ZNF385D: variants seen among roughly 807,000 people sequenced by gnomAD.
The protein encoded by ZNF385D is zinc finger protein 385D.
A neutral mutation model predicts 35.8 loss-of-function variants in ZNF385D; 15 were observed. The ratio of observed to expected loss-of-function variants is 0.42; its 90% CI spans 0.28 to 0.64. The LOEUF (loss-of-function observed/expected upper bound fraction) is 0.64. Ranked by LOEUF, ZNF385D falls within the 30% of genes least tolerant of loss-of-function variation. The probability of loss-of-function intolerance (pLI) is 0.23; values close to 1 mark genes in which losing one functional copy is unlikely to be tolerated. For synonymous variants in ZNF385D, 212 were observed against 186.8 expected (o/e 1.13, Z -1.10); for missense variants, 474 against 494.6 (o/e 0.96, Z 0.39).
intron 1 of ZNF385D, among the ~76,000 whole-genome samples, chr3:21,724,424 AC>A (rs1326115979): frequency 6.8e-6 from 1 of 147,874 alleles, no homozygotes; most frequent in Non-Finnish European, 1.5e-5. Flanking sequence ...GCAAAGACAC[AC>A]ATAGGCTCAA....
At chr3:21,560,778 G>GAGTT (rs1199460658) in intron 3 of ZNF385D, among the ~76,000 whole-genome samples, 3 of 152,158 alleles carry the variant, frequency 2.0e-5, no homozygotes. Flanking sequence ...CTGTCCCAGG[G>GAGTT]AGTTGGGGGT....
In ZNF385D at chr3:21,428,933, C is replaced by CTTTTTTTTTTTTTTTTTTTTTTTTT. The variant is rs56827844; in HGVS notation, c.674-3264_674-3263insAAAAAAAAAAAAAAAAAAAAAAAAA. ...GCACGGCATAAGGCTCCAAGAAATCCTTTTTTTTTTTTGCTTTCTGCTTAA... is the reference window on the plus strand; with the variant it reads ...GCACGGCATAAGGCTCCAAGAAATCCTTTTTTTTTTTTTTTTTTTTTTTTTTTTTTTTTTTTTGCTTTCTGCTTAA... On this transcript the variant is annotated intron_variant, in intron 5 of 7. Coordinates refer to ENST00000281523, the MANE Select transcript of ZNF385D (RefSeq NM_024697.3). Among the ~76,000 whole-genome samples the CTTTTTTTTTTTTTTTTTTTTTTTTT allele has an allele frequency of 2.5e-4, 28 of 112,010 alleles. 2 individuals are homozygous for CTTTTTTTTTTTTTTTTTTTTTTTTT. Among genetic ancestry groups the CTTTTTTTTTTTTTTTTTTTTTTTTT allele is most frequent in the African/African-American group, 3.0e-4 (9 of 29,588 alleles). The allele number at this position is 112,010 out of a possible 152,430, so 73.5% of individuals were successfully genotyped here. A position where few individuals can be genotyped will look rare whatever the true frequency, so the allele number is the denominator to read the frequency against.
intron 2 of ZNF385D, among the ~76,000 whole-genome samples, chr3:22,213,289 T>G (rs1024015306): frequency 5.3e-5 from 8 of 152,076 alleles, no homozygotes; most frequent in Admixed American, 5.3e-4. Context: ...CTGTTTTTGT[T>G]TTGTATTTTT....
intron 3 of ZNF385D, among the ~76,000 whole-genome samples, chr3:21,807,615 C>G (rs1281118841): frequency 4.6e-5 from 7 of 151,968 alleles, no homozygotes; most frequent in Non-Finnish European, 1.0e-4. Flanking sequence ...AGGCCAATAA[C>G]AAATTTTACT....
chr3:21,651,062 G>T (rs867474740), intron 2 of ZNF385D, among the ~76,000 whole-genome samples: 2 of 151,542 alleles, frequency 1.3e-5, no homozygotes, highest in Non-Finnish European at 2.9e-5. Flanking sequence ...GGCAGATCAT[G>T]AGGTCAGGAG....
chr3:21,437,317 A>G (rs1701606355), intron 4 of ZNF385D, 114 bp from the exon 5 acceptor site: 4 of 1,009,294 alleles, frequency 4.0e-6, no homozygotes, highest in African/African-American at 3.2e-5. Flanking sequence ...GCAGCTAGCA[A>G]TTGCTGTTTG....
intron 3 of ZNF385D, among the ~76,000 whole-genome samples, chr3:21,835,784 A>G (rs1695292416): frequency 6.6e-6 from 1 of 152,102 alleles, no homozygotes; most frequent in African/African-American, 2.4e-5. Flanking sequence ...CAGAAAAACA[A>G]AAAATATTAT....
chr3:21,592,552 A>AAC (rs1364039677), intron 2 of ZNF385D, among the ~76,000 whole-genome samples: 1 of 106,214 alleles, frequency 9.4e-6, no homozygotes, highest in Non-Finnish European at 2.0e-5. Flanking sequence ...GCAAAAAAAA[A>AAC]AAACCAAAAA....
intron 2 of ZNF385D, among the ~76,000 whole-genome samples, chr3:21,566,736 G>A (rs1382627537): frequency 6.6e-6 from 1 of 152,102 alleles, no homozygotes; most frequent in Admixed American, 6.5e-5. Context: ...AAAATCACCA[G>A]TATTAAGTGT....
At chr3:22,216,540 C>A (rs541217843) in intron 2 of ZNF385D, among the ~76,000 whole-genome samples, 7 of 151,932 alleles carry the variant, frequency 4.6e-5, no homozygotes, top group Non-Finnish European at 8.8e-5. Context: ...TAAGCATTGA[C>A]CCAGATGTGA....
chr3:22,195,473 T>A (rs1696350252), intron 2 of ZNF385D, among the ~76,000 whole-genome samples: 1 of 152,040 alleles, frequency 6.6e-6, no homozygotes, highest in Non-Finnish European at 1.5e-5. Context: ...ACTATGCTTT[T>A]TATGTCATAT....
intron 3 of ZNF385D, among the ~76,000 whole-genome samples, chr3:22,082,852 CAGA>C (rs1559355157): frequency 6.6e-6 from 1 of 152,154 alleles, no homozygotes; most frequent in African/African-American, 2.4e-5. Context: ...ACGAAGCTTC[CAGA>C]AGAAGGATCA....
intron 5 of ZNF385D, among the ~76,000 whole-genome samples, chr3:21,428,947 C>CTTTTTTTTTTTTTTTTTTTTTTTTTTTTT (rs1575127423): frequency 1.5e-4 from 8 of 53,338 alleles, no homozygotes; most frequent in African/African-American, 2.5e-4. Context: ...TTTTTTTTTG[C>CTTTTTTTTTTTTTTTTTTTTTTTTTTTTT]TTTCTGCTTA....
chr3:21,586,440 G>A (rs1431540454), intron 2 of ZNF385D, among the ~76,000 whole-genome samples: 2 of 152,146 alleles, frequency 1.3e-5, no homozygotes, highest in Admixed American at 1.3e-4. Flanking sequence ...ATAAACAGGA[G>A]AAGTTATTAG....
At chr3:21,728,364 C>G (rs1294098150) in intron 1 of ZNF385D, among the ~76,000 whole-genome samples, 1 of 151,814 alleles carries the variant, frequency 6.6e-6, no homozygotes, top group East Asian at 1.9e-4. Flanking sequence ...ATTTTATCTA[C>G]CAGACTCAGG....
chr3:21,734,981 G>A (rs2069178282), intron 1 of ZNF385D, among the ~76,000 whole-genome samples: 2 of 152,138 alleles, frequency 1.3e-5, no homozygotes, highest in Non-Finnish European at 2.9e-5. Context: ...GGGCTGCAGT[G>A]ATTTATTGCT....
intron 3 of ZNF385D, among the ~76,000 whole-genome samples, chr3:21,524,770 C>A (rs533501390): frequency 1.3e-5 from 2 of 151,960 alleles, no homozygotes; most frequent in Admixed American, 6.6e-5. Context: ...TTAACATTTA[C>A]GGAAATCTTA....
rs1232101708 is a variant in ZNF385D, at chr3:22,218,763, C to T, written c.107-49728G>A. ...TGGCTCTCAGCAACATGGGTTTTTA[C>T]TAACTTTATAGTTGTTCATTGCCTT... On this transcript the variant is annotated intron_variant, in intron 2 of 5. Coordinates refer to the ZNF385D transcript ENST00000494108. Among the ~76,000 whole-genome samples the T allele has an allele frequency of 2.0e-5, 3 of 152,192 alleles. No individual in the cohort carries two copies. The East Asian group carries it at 5.8e-4, about 29-fold the overall frequency.
intron 3 of ZNF385D, among the ~76,000 whole-genome samples, chr3:21,970,549 G>T (rs193160437): frequency 6.6e-6 from 1 of 151,988 alleles, no homozygotes; most frequent in East Asian, 1.9e-4. Flanking sequence ...AAGCATGCTT[G>T]GAAAACCTAG....
Sources: allele counts gnomAD v4.1 joint callset (sites outside exome capture counted in the v4.1 genomes callset), GRCh38; gene constraint gnomAD v4.1.1; transcripts MANE v1.5; gene names NCBI Gene and HGNC (gene_info 2026-07-23, HGNC 2026-07-21).